CORO7: variants seen among roughly 807,000 people sequenced by gnomAD.
The protein encoded by CORO7 is coronin-7.
Under a neutral mutation model 126.6 loss-of-function variants are expected in CORO7, and 107 were observed. The ratio of observed to expected loss-of-function variants is 0.85; its 90% CI spans 0.72 to 0.99. The LOEUF is 0.99. CORO7 is among the 50% of genes least tolerant of loss of function. The pLI, the probability that CORO7 is intolerant of heterozygous loss-of-function variation, is 0.00. For missense variants in CORO7, 1,314 were observed against 1,255.8 expected (o/e 1.05, Z -0.70); for synonymous variants, 603 against 536.8 (o/e 1.12, Z -1.70).
chr16:4,387,873 C>A lies in CORO7; in HGVS notation c.785+113G>T. On this transcript the variant is annotated intron_variant, in intron 9 of 27. Coordinates refer to ENST00000251166, the MANE Select transcript of CORO7 (RefSeq NM_024535.5). Reference sequence around the variant, plus strand: ...AGGCCTTGCAGCCCAGATCAGGTACCCCAGAACACCCCGGAGATCAGCCCG... The same window carrying A: ...AGGCCTTGCAGCCCAGATCAGGTACACCAGAACACCCCGGAGATCAGCCCG... 4 of 1,372,480 alleles carry A rather than the reference C, an allele frequency of 2.9e-6. No homozygotes were observed. In the South Asian group the frequency reaches 3.8e-5, roughly 13 times the overall value. The allele number at this position is 1,372,480 out of a possible 1,614,324, so 85.0% of individuals were successfully genotyped here.
intron 6 of CORO7, among the ~76,000 whole-genome samples, chr16:4,402,096 G>A (rs1567296845): frequency 6.6e-6 from 1 of 151,928 alleles, no homozygotes; most frequent in Non-Finnish European, 1.5e-5. Context: ...ATGCCAACAT[G>A]CCTGGCTAAT....
chr16:4,408,199 T>C lies in CORO7; in HGVS notation c.285A>G (p.Thr95=), dbSNP rs2056078875. Residue 95 remains threonine (T), a synonymous_variant, in exon 4 of 28, where the codon ACA becomes ACG. Transcript: ENST00000251166. The stretch of plus-strand genomic sequence containing the variant: ...CACTCACCGTCCTGTCAGCCGAGCC[T>C]GTGGCCAGGAGGAAGTCATCAAAGG... ...FSPFDDFLLA[T]GSADRTVKLW... 6.2e-7 allele frequency: 1 copy of C among 1,614,182 alleles called. No homozygotes were observed. Among genetic ancestry groups the C allele is most frequent in the Non-Finnish European group, 8.5e-7 (1 of 1,180,026 alleles).
intron 9 of CORO7, among the ~76,000 whole-genome samples, chr16:4,386,225 G>A (rs995639646): frequency 6.6e-6 from 1 of 152,224 alleles, no homozygotes; most frequent in East Asian, 1.9e-4. Flanking sequence ...AGTCCTCACT[G>A]GTCCTTCGAG....
chr16:4,405,201 A>G (rs1274415859), intron 6 of CORO7, among the ~76,000 whole-genome samples: 2 of 152,220 alleles, frequency 1.3e-5, no homozygotes, highest in Non-Finnish European at 2.9e-5. Flanking sequence ...GGCGGTTCAG[A>G]CAGACCAGAC....
In CORO7 at chr16:4,357,751, G is replaced by T. The variant is rs915652473; in HGVS notation, c.2593+217C>A. ...CCCTGCCCTAGACACCACAGTGTGT[G>T]CGTGTGTGTGTGTGTTAGGGGTGGG... On this transcript the variant is annotated intron_variant, in intron 25 of 27. Transcript: ENST00000251166. The T allele has an allele frequency of 1.2e-4, 89 of 740,362 alleles. No individual in the cohort carries two copies. The African/African-American group carries it at 1.5e-3, about 12-fold the overall frequency. 45.9% of individuals were successfully genotyped at this position (740,362 alleles called of 1,614,324 possible). A position where few individuals can be genotyped will look rare whatever the true frequency, so the allele number is the denominator to read the frequency against.
intron 9 of CORO7, among the ~76,000 whole-genome samples, chr16:4,379,270 G>A (rs533788794): frequency 6.6e-6 from 1 of 152,216 alleles, no homozygotes; most frequent in South Asian, 2.1e-4. Flanking sequence ...GCTTCCTGGG[G>A]ATGGGCTGGC....
At chr16:4,381,387 C>T (rs1472699697) in intron 9 of CORO7, 31 of 1,588,692 alleles carry the variant, frequency 2.0e-5, no homozygotes, top group Non-Finnish European at 2.5e-5. Context: ...GCCTGCCCCG[C>T]CTGCTGCTGC....
At chr16:4,415,241 T>G (rs2056363172) in intron 1 of CORO7, among the ~76,000 whole-genome samples, 2 of 152,196 alleles carry the variant, frequency 1.3e-5, no homozygotes, top group Non-Finnish European at 2.9e-5. Flanking sequence ...AGGACCACTC[T>G]GGACTCATCT....
chr16:4,396,714 T>C (rs1465873785), intron 6 of CORO7, among the ~76,000 whole-genome samples: 1 of 152,136 alleles, frequency 6.6e-6, no homozygotes, highest in South Asian at 2.1e-4. Flanking sequence ...CAACTGGAAT[T>C]TGAAATGAAA....
intron 14 of CORO7, chr16:4,363,138 A>C (rs1482543247): frequency 6.3e-6 from 1 of 159,212 alleles, no homozygotes; most frequent in African/African-American, 2.4e-5. Flanking sequence ...TACACTTGAC[A>C]AAGAAGGTTG....
chr16:4,360,869 C>G, intron 19 of CORO7, 74 bp downstream of exon 19: 1 of 340,940 alleles, frequency 2.9e-6, no homozygotes, highest in Non-Finnish European at 4.6e-6. Context: ...CCACTCCTCA[C>G]TGCTGGCCCC....
intron 6 of CORO7, among the ~76,000 whole-genome samples, chr16:4,400,352 G>C (rs1436174347): frequency 6.6e-6 from 1 of 152,098 alleles, no homozygotes; most frequent in Non-Finnish European, 1.5e-5. Flanking sequence ...AAAAAAATTA[G>C]GCCAGGCATG....
In CORO7 at chr16:4,395,349, C is replaced by G. The variant is rs754005547; in HGVS notation, c.565-10G>C. 5 of 1,613,918 alleles carry G rather than the reference C, an allele frequency of 3.1e-6. No individual in the cohort carries two copies. In the South Asian group the frequency reaches 3.3e-5, roughly 11 times the overall value. On this transcript the variant is annotated splice_polypyrimidine_tract_variant and intron_variant, in intron 6 of 27. Coordinates refer to ENST00000251166, the MANE Select transcript of CORO7 (RefSeq NM_024535.5). ...TCCGCAGCTGCTTGTCCTGGAAAAG[C>G]AGAGAGGAGGAAACAACTTGCGATT... is the stretch of plus-strand genomic sequence containing the variant.
intron 6 of CORO7, among the ~76,000 whole-genome samples, chr16:4,398,631 A>T (rs1323066142): frequency 6.8e-6 from 1 of 147,456 alleles, no homozygotes; most frequent in Non-Finnish European, 1.5e-5. Flanking sequence ...ATGCCATTGC[A>T]CTCCAGCCTG....
intron 6 of CORO7, among the ~76,000 whole-genome samples, chr16:4,401,876 G>A (rs2055821062): frequency 6.6e-6 from 1 of 151,058 alleles, no homozygotes; most frequent in South Asian, 2.1e-4. Context: ...TATGACGTGG[G>A]CAAGCCCCCG....
chr16:4,379,280 C>T (rs1308542293), intron 9 of CORO7, among the ~76,000 whole-genome samples: 1 of 152,092 alleles, frequency 6.6e-6, no homozygotes, highest in Admixed American at 6.5e-5. Context: ...GATGGGCTGG[C>T]ACCCCGTATG....
At chr16:4,409,707 C>T (rs952039265) in intron 3 of CORO7, among the ~76,000 whole-genome samples, 4 of 152,236 alleles carry the variant, frequency 2.6e-5, no homozygotes, top group Non-Finnish European at 4.4e-5. Context: ...CCCCAGCTGC[C>T]GCCCCACAGC....
chr16:4,393,928 G>A (rs147621073), intron 7 of CORO7, among the ~76,000 whole-genome samples: 3,739 of 152,078 alleles, frequency 0.025, 162 homozygotes, highest in African/African-American at 0.085. Flanking sequence ...GTGAAACCCC[G>A]TCTCCACTAA....
In CORO7 at chr16:4,402,241, TTTGTTG is replaced by T. The variant is rs148154433; in HGVS notation, c.564+3244_564+3249del. Among the ~76,000 whole-genome samples, 61 of 144,540 alleles carry T rather than the reference TTTGTTG, an allele frequency of 4.2e-4. 1 individual carries two copies. The highest frequency in any genetic ancestry group is 1.4e-3 in the African/African-American group (56 of 38,872). The allele number at this position is 144,540 out of a possible 152,430, so 94.8% of individuals were successfully genotyped here. A position where few individuals can be genotyped will look rare whatever the true frequency, so the allele number is the denominator to read the frequency against. ...GCGTGAGCCACTGCACCCGGCCAGT[TTTGTTG>T]TTGTTGTTGTTGTTGTTGTTTTTTA... On this transcript the variant is annotated intron_variant, in intron 6 of 27. Transcript: ENST00000251166.
Sources: allele counts gnomAD v4.1 joint callset (sites outside exome capture counted in the v4.1 genomes callset), GRCh38; gene constraint gnomAD v4.1.1; transcripts MANE v1.5; gene names NCBI Gene and HGNC (gene_info 2026-07-23, HGNC 2026-07-21).